The following DOCK8 variants were observed in gnomAD, a reference collection of about 807,000 sequenced individuals.
DOCK8 encodes dedicator of cytokinesis 8, also known as dedicator of cytokinesis protein 8.
Under a neutral mutation model 245.6 loss-of-function variants are expected in DOCK8, and 141 were observed. That is an observed-to-expected ratio of 0.57 (90% CI 0.50 to 0.66). The LOEUF (loss-of-function observed/expected upper bound fraction) is 0.66, where lower values mean the gene tolerates loss of function less well. Among genes scored for constraint, DOCK8 ranks in the 30% least tolerant of loss-of-function variants. DOCK8 has a pLI of 0.00. For missense variants in DOCK8, 2,965 were observed against 2,603.4 expected (o/e 1.14, Z -3.02); for synonymous variants, 1,168 against 970.2 (o/e 1.20, Z -3.79).
intron 5 of DOCK8, among the ~76,000 whole-genome samples, chr9:309,401 T>C (rs1180207084): frequency 2.0e-5 from 3 of 152,180 alleles, no homozygotes; most frequent in African/African-American, 4.8e-5. Flanking sequence ...TATGGAGAAA[T>C]TGTCCAGTAG....
chr9:418,358 G>A (rs779775681), intron 30 of DOCK8, 151 bp downstream of exon 30: 41 of 1,078,404 alleles, frequency 3.8e-5, no homozygotes, highest in Non-Finnish European at 5.4e-5. Context: ...TGCAACCTCC[G>A]CCTCCCGGGT....
intron 22 of DOCK8, among the ~76,000 whole-genome samples, chr9:385,673 C>G (rs1490041285): frequency 6.6e-6 from 1 of 152,160 alleles, no homozygotes; most frequent in African/African-American, 2.4e-5. Flanking sequence ...TACCCCTACC[C>G]CCCTGACAAC....
Position 432,201 on chromosome 9 carries a change from C to T in DOCK8, c.4662C>T (p.Ser1554=), listed in dbSNP as rs762572860. Reference sequence around the variant, plus strand: ...GAGTAAAGATGCAAGTAACCATGTCCCTGGCATCTTTGGTGGGAAGAGCAC... The same window carrying T: ...GAGTAAAGATGCAAGTAACCATGTCTCTGGCATCTTTGGTGGGAAGAGCAC... ...FARVKMQVTM[S]LASLVGRAPD... is the part of the protein sequence containing the mutation. The change falls in exon 37 of 48, where the codon TCC becomes TCT. Residue 1554 remains serine (S), a synonymous_variant. Coordinates refer to ENST00000432829, the MANE Select transcript of DOCK8 (RefSeq NM_203447.4). The T allele has an allele frequency of 6.2e-7, 1 of 1,613,210 alleles. No homozygotes were observed. Among genetic ancestry groups the T allele is most frequent in the Non-Finnish European group, 8.5e-7 (1 of 1,179,888 alleles).
intron 1 of DOCK8, among the ~76,000 whole-genome samples, chr9:239,697 C>G (rs933368954): frequency 6.6e-6 from 1 of 152,124 alleles, no homozygotes; most frequent in Non-Finnish European, 1.5e-5. Context: ...TCAAAATTAT[C>G]TCTAATTCTT....
At chr9:213,886 C>T (rs1178961258), upstream of DOCK8, 1 of 152,188 alleles carries the variant, frequency 6.6e-6, no homozygotes, top group Non-Finnish European at 1.5e-5. Context: ...CGCCACCACG[C>T]CCGGCTAATT....
At chr9:319,957 G>C (rs1395792174) in intron 7 of DOCK8, among the ~76,000 whole-genome samples, 1 of 152,224 alleles carries the variant, frequency 6.6e-6, no homozygotes, top group Non-Finnish European at 1.5e-5. Flanking sequence ...TTTAAATGCA[G>C]ATTTTGGAGG....
At chr9:377,343 A>C in intron 20 of DOCK8, 132 bp downstream of exon 20, 1 of 841,452 alleles carries the variant, frequency 1.2e-6, no homozygotes, top group Non-Finnish European at 1.7e-6. Flanking sequence ...TGCTCAAGGG[A>C]GGCCAAGTCT....
chr9:384,084 T>G (rs1461607931), intron 22 of DOCK8, among the ~76,000 whole-genome samples: 1 of 152,252 alleles, frequency 6.6e-6, no homozygotes, highest in Non-Finnish European at 1.5e-5. Context: ...CTCCATAGGC[T>G]CCTCTTGCTG....
chr9:318,202 C>T (rs967392696), intron 7 of DOCK8, among the ~76,000 whole-genome samples: 2 of 152,180 alleles, frequency 1.3e-5, no homozygotes, highest in Admixed American at 6.5e-5. Context: ...AGTTCTCCTT[C>T]AAATCCACAG....
At chr9:277,134 G>C (rs1367883123) in intron 2 of DOCK8, 1 of 173,726 alleles carries the variant, frequency 5.8e-6, no homozygotes, top group Non-Finnish European at 1.3e-5. Flanking sequence ...CAAAGTAGAA[G>C]CCAGGCACAA....
In DOCK8 at chr9:390,456, G is replaced by C. The variant is rs2054141278; in HGVS notation, c.2875-15G>C. Reference sequence around the variant, plus strand: ...GCCTTTGTTTCACAGCCTAATTTTTGTGGTTCTTATTTAGCATTTCCATGA... The same window carrying C: ...GCCTTTGTTTCACAGCCTAATTTTTCTGGTTCTTATTTAGCATTTCCATGA... On this transcript the variant is annotated splice_polypyrimidine_tract_variant and intron_variant, in intron 23 of 47. Transcript: ENST00000432829. 6.2e-7 allele frequency: 1 copy of C among 1,611,688 alleles called. No homozygotes were observed. The highest frequency in any genetic ancestry group is 1.7e-5 in the Admixed American group (1 of 60,002).
chr9:286,581 G>T lies in DOCK8; in HGVS notation c.277G>T (p.Val93Leu), dbSNP rs375686155. 2.5e-6 allele frequency: 4 copies of T among 1,613,890 alleles called. No homozygotes were observed. Among genetic ancestry groups the T allele is most frequent in the Non-Finnish European group, 1.7e-6 (2 of 1,179,942 alleles). The change falls in exon 3 of 48, where the codon GTG (valine) becomes TTG (leucine). Residue 93 changes from valine (V) to leucine (L), a missense_variant. Around this residue, in one of 3 missense-constraint regions of DOCK8, gnomAD observed 2,825 missense variants for 2,453.5 expected, o/e 1.15. Coordinates refer to ENST00000432829, the MANE Select transcript of DOCK8 (RefSeq NM_203447.4). ...LGDFTDDDLD[V>L]VFTPKECRTL... ...GGACTTCACTGATGACGACTTGGAC[G>T]TGGTGTTCACGCCAAAGGAATGTAG...
At chr9:255,608 C>T (rs139054671) in intron 1 of DOCK8, among the ~76,000 whole-genome samples, 1 of 132,676 alleles carries the variant, frequency 7.5e-6, no homozygotes, top group Non-Finnish European at 1.5e-5. Flanking sequence ...GTGGAGGTTG[C>T]AGTGAGCCGA....
intron 1 of DOCK8, among the ~76,000 whole-genome samples, chr9:239,460 C>T (rs2047332969): frequency 6.6e-6 from 1 of 152,090 alleles, no homozygotes; most frequent in South Asian, 2.1e-4. Flanking sequence ...ATATGATCAC[C>T]AGGTATACTT....
intron 29 of DOCK8, among the ~76,000 whole-genome samples, chr9:416,760 G>A (rs1167777823): frequency 6.6e-6 from 1 of 152,124 alleles, no homozygotes; most frequent in East Asian, 1.9e-4. Context: ...TGATAACGAT[G>A]TCTACCTTTT....
chr9:333,469 C>G (rs1052194516), intron 10 of DOCK8, among the ~76,000 whole-genome samples: 2 of 152,192 alleles, frequency 1.3e-5, no homozygotes, highest in East Asian at 1.9e-4. Context: ...GGCATGGTGG[C>G]ACGTGCCTGT....
Position 370,212 on chromosome 9 carries a change from TTC to T in DOCK8, c.1798-14_1798-13del. 6.2e-7 allele frequency: 1 copy of T among 1,608,470 alleles called. No homozygotes were observed. Among genetic ancestry groups the T allele is most frequent in the Non-Finnish European group, 8.5e-7 (1 of 1,174,808 alleles). On this transcript the variant is annotated splice_polypyrimidine_tract_variant and intron_variant, in intron 15 of 47. Transcript: ENST00000432829. ...CAAATGTTACTGATAATTTGATCCT[TTC>T]TCTACTGGTGAACAGGTCATCTTTG... is the stretch of plus-strand genomic sequence containing the variant.
intron 28 of DOCK8, among the ~76,000 whole-genome samples, chr9:411,803 G>C (rs1164786112): frequency 6.6e-6 from 1 of 152,118 alleles, no homozygotes; most frequent in African/African-American, 2.4e-5. Flanking sequence ...ATCAATTGTT[G>C]TACCATATTA....
chr9:445,074 A>G lies in DOCK8; in HGVS notation c.5581-1296A>G, dbSNP rs374769346. Among the ~76,000 whole-genome samples the G allele has an allele frequency of 5.3e-5, 8 of 152,302 alleles. No individual in the cohort carries two copies. In the South Asian group the frequency reaches 8.3e-4, roughly 16 times the overall value. ...TCTACATTTTTCAGAATGCTTTCTC[A>G]CTTAAGACACATTCCCTAGCCTCGG... On this transcript the variant is annotated intron_variant, in intron 43 of 47. Coordinates refer to ENST00000432829, the MANE Select transcript of DOCK8 (RefSeq NM_203447.4).
Sources: allele counts gnomAD v4.1 joint callset (sites outside exome capture counted in the v4.1 genomes callset), GRCh38; gene constraint gnomAD v4.1.1; regional missense constraint gnomAD v4.1.1; transcripts MANE v1.5; gene names NCBI Gene and HGNC (gene_info 2026-07-23, HGNC 2026-07-21).